The following NAV3 variants were observed in gnomAD, a reference collection of about 807,000 sequenced individuals.
NAV3 encodes neuron navigator 3.
Under a neutral mutation model 244.7 loss-of-function variants are expected in NAV3, and 87 were observed. That is an observed-to-expected ratio of 0.36 (90% confidence interval 0.30 to 0.42). The LOEUF (loss-of-function observed/expected upper bound fraction) is 0.42. Among genes scored for constraint, NAV3 ranks in the 20% least tolerant of loss-of-function variants. NAV3 has a pLI of 1.00. For missense variants in NAV3, 2,663 were observed against 2,893.3 expected, an observed-to-expected ratio of 0.92 and a Z score of 1.83; for synonymous variants, 1,126 against 1,042.2, an observed-to-expected ratio of 1.08 and a Z score of -1.55.
At chr12:77,739,352 C>T (rs954349232) in intron 2 of NAV3, among the ~76,000 whole-genome samples, 12 of 152,212 alleles carry the variant, frequency 7.9e-5, no homozygotes, top group South Asian at 2.1e-4. Flanking sequence ...AAAATAAAGG[C>T]ATTATACATT....
At chr12:77,733,834 A>ATTTT (rs56770236) in intron 2 of NAV3, among the ~76,000 whole-genome samples, 1,312 of 124,094 alleles carry the variant, frequency 0.011, 33 homozygotes, top group African/African-American at 0.038. Flanking sequence ...CTTGGTTTAG[A>ATTTT]TTTTTTTTTT....
intron 1 of NAV3, among the ~76,000 whole-genome samples, chr12:77,920,437 C>A (rs1453294226): frequency 1.3e-5 from 2 of 151,812 alleles, no homozygotes; most frequent in Non-Finnish European, 2.9e-5. Context: ...AAAAAACACA[C>A]AACAAAAAGC....
At chr12:78,157,804 GA>G (rs1373034762) in intron 22 of NAV3, among the ~76,000 whole-genome samples, 1 of 151,428 alleles carries the variant, frequency 6.6e-6, no homozygotes, top group Non-Finnish European at 1.5e-5. Flanking sequence ...AGAGAGAGAA[GA>G]GGGGGAGGAG....
chr12:77,910,702 G>A (rs968424883), intron 1 of NAV3, among the ~76,000 whole-genome samples: 14 of 152,148 alleles, frequency 9.2e-5, no homozygotes, highest in African/African-American at 3.4e-4. Flanking sequence ...GAAAGCCCAG[G>A]CATCCAAACA....
intron 5 of NAV3, 117 bp downstream of exon 5, chr12:77,968,819 T>C (rs765799202): frequency 9.1e-5 from 88 of 965,926 alleles, no homozygotes; most frequent in Non-Finnish European, 1.3e-4. Context: ...ATCAGTGTGA[T>C]GGGATTATTT....
chr12:78,153,004 G>C (rs1006513116), intron 22 of NAV3, among the ~76,000 whole-genome samples: 4 of 151,968 alleles, frequency 2.6e-5, no homozygotes, highest in Non-Finnish European at 2.9e-5. Context: ...TTAAGTATCA[G>C]ATATTCATCT....
At chr12:77,610,478 G>A (rs1446127287) in intron 2 of NAV3, among the ~76,000 whole-genome samples, 1 of 152,022 alleles carries the variant, frequency 6.6e-6, no homozygotes, top group Non-Finnish European at 1.5e-5. Flanking sequence ...AACCAGAACT[G>A]CAATGTTGAA....
intron 2 of NAV3, among the ~76,000 whole-genome samples, chr12:77,780,296 C>G (rs1293776433): frequency 6.6e-6 from 1 of 152,122 alleles, no homozygotes; most frequent in Non-Finnish European, 1.5e-5. Context: ...ACAGGTTAGG[C>G]AAGAGCCATT....
chr12:78,033,218 A>G (rs1879285433), intron 9 of NAV3, among the ~76,000 whole-genome samples: 1 of 151,640 alleles, frequency 6.6e-6, no homozygotes, highest in African/African-American at 2.4e-5. Flanking sequence ...CAATCTCTGT[A>G]AATGATCACT....
intron 2 of NAV3, among the ~76,000 whole-genome samples, chr12:77,611,890 G>A (rs1870931503): frequency 6.6e-6 from 1 of 151,932 alleles, no homozygotes; most frequent in South Asian, 2.1e-4. Flanking sequence ...GAATAAGCTA[G>A]TATTCATTTA....
At chr12:77,821,980 T>C (rs1042773296) in intron 2 of NAV3, among the ~76,000 whole-genome samples, 3 of 152,170 alleles carry the variant, frequency 2.0e-5, no homozygotes, top group African/African-American at 7.2e-5. Context: ...TATCCAATGA[T>C]TTTGTTTTAA....
rs538667277 is a variant in NAV3 at position 77,708,870 on chromosome 12, T to C, written c.72+136604T>C. ...GATTTGGCTCTCTGTTTGTCTGTTA[T>C]TGGTGTATAAGAATGCTTGTGATTT... is the stretch of plus-strand genomic sequence containing the variant. On this transcript the variant is annotated intron_variant, in intron 2 of 8. Coordinates refer to the NAV3 transcript ENST00000550042. Among the ~76,000 whole-genome samples the C allele has an allele frequency of 2.7e-3, 409 of 152,294 alleles. 2 individuals carry two copies. Among genetic ancestry groups the C allele is most frequent in the African/African-American group, 9.3e-3 (387 of 41,548 alleles).
chr12:77,599,414 T>C (rs1870319695), intron 2 of NAV3, among the ~76,000 whole-genome samples: 1 of 151,948 alleles, frequency 6.6e-6, no homozygotes, highest in Admixed American at 6.6e-5. Flanking sequence ...AAATTATGCT[T>C]TTCAAAAGTA....
At chr12:77,655,299 C>T (rs1371098980) in intron 2 of NAV3, among the ~76,000 whole-genome samples, 3 of 151,946 alleles carry the variant, frequency 2.0e-5, no homozygotes, top group Non-Finnish European at 4.4e-5. Context: ...TCGAGAACTA[C>T]GTGAAGAATG....
chr12:77,611,346 T>C (rs1466301341), intron 2 of NAV3, among the ~76,000 whole-genome samples: 1 of 152,000 alleles, frequency 6.6e-6, no homozygotes, highest in Non-Finnish European at 1.5e-5. Flanking sequence ...GCCTAGATTT[T>C]TATGTCTTCA....
chr12:77,575,229 C>T (rs1427398670), intron 2 of NAV3, among the ~76,000 whole-genome samples: 1 of 152,016 alleles, frequency 6.6e-6, no homozygotes, highest in East Asian at 1.9e-4. Flanking sequence ...CTGAAGTACT[C>T]TTCATTACTG....
At chr12:77,884,344 T>C (rs778512990) in intron 1 of NAV3, among the ~76,000 whole-genome samples, 5 of 152,102 alleles carry the variant, frequency 3.3e-5, no homozygotes, top group Non-Finnish European at 7.4e-5. Flanking sequence ...ATGCAAATTA[T>C]GGAGTCTAAA....
intron 1 of NAV3, among the ~76,000 whole-genome samples, chr12:77,834,338 A>T (rs998849422): frequency 2.0e-5 from 3 of 152,238 alleles, no homozygotes; most frequent in African/African-American, 7.2e-5. Flanking sequence ...TCCATGTGAG[A>T]AAAATCAGTT....
chr12:77,868,771 A>AG (rs71088345), intron 1 of NAV3, among the ~76,000 whole-genome samples: 2 of 149,312 alleles, frequency 1.3e-5, no homozygotes, highest in African/African-American at 4.9e-5. Context: ...AAAAAAAAAA[A>AG]GAAAAAAAAA....
Sources: gnomAD v4.1 joint callset for allele counts (sites outside exome capture counted in the v4.1 genomes callset) on GRCh38, gnomAD v4.1.1 for gene constraint, MANE v1.5 for transcripts, NCBI Gene and HGNC (gene_info 2026-07-23, HGNC 2026-07-21) for gene names.